Variants in PDE2A observed in about 807,000 individuals in gnomAD.
The protein encoded by PDE2A is phosphodiesterase 2A.
In PDE2A, 53 loss-of-function variants were observed where a neutral mutation model predicts 133.6. The ratio of observed to expected loss-of-function variants is 0.40; its 90% CI spans 0.32 to 0.50. PDE2A has a LOEUF of 0.50. Among genes scored for constraint, PDE2A ranks in the 20% least tolerant of loss-of-function variants. PDE2A has a pLI of 0.73. For synonymous variants in PDE2A, 491 were observed against 490.2 expected, an observed-to-expected ratio of 1.00 and a Z score of -0.02; for missense variants, 796 against 1,232.4, an observed-to-expected ratio of 0.65 and a Z score of 5.30.
At chr11:72,596,760 G>A in intron 5 of PDE2A, 112 bp from the exon 6 acceptor site, 1 of 518,234 alleles carries the variant, frequency 1.9e-6, no homozygotes, top group Non-Finnish European at 3.2e-6. Context: ...GGCCAGGACA[G>A]AGACACACAG....
chr11:72,668,570 C>A lies in PDE2A; in HGVS notation c.71+5567G>T. 3 of 676,544 alleles carry A rather than the reference C, an allele frequency of 4.4e-6. No individual in the cohort carries two copies. In the South Asian group the frequency reaches 4.6e-5, roughly 10 times the overall value. 41.9% of individuals were successfully genotyped at this position (676,544 alleles called of 1,614,324 possible). A position where few individuals can be genotyped will look rare whatever the true frequency, so the allele number is the denominator to read the frequency against. On this transcript the variant is annotated intron_variant, in intron 1 of 30. Coordinates refer to ENST00000334456, the MANE Select transcript of PDE2A (RefSeq NM_002599.5). The stretch of plus-strand genomic sequence containing the variant: ...CACCTTTGGGCTCCACACAGCCCAG[C>A]ACCCACCAGGGCCGGCCCTCGGCCA...
intron 4 of PDE2A, among the ~76,000 whole-genome samples, chr11:72,603,127 T>C (rs1856829911): frequency 6.6e-6 from 1 of 152,206 alleles, no homozygotes; most frequent in African/African-American, 2.4e-5. Context: ...GTCCTGATGA[T>C]GGGTATGTCC....
intron 4 of PDE2A, among the ~76,000 whole-genome samples, chr11:72,599,848 C>T (rs551403185): frequency 2.0e-5 from 3 of 152,210 alleles, no homozygotes; most frequent in Non-Finnish European, 4.4e-5. Flanking sequence ...TACAGACCCA[C>T]GCTTCAGTCG....
At position 72,597,547 on chromosome 11, in the gene PDE2A, C is replaced by A; in HGVS notation, c.396G>T (p.Leu132Phe). ...GAGCCAGTGGAGCCACCAGCCTGGC[C>A]AAGGGCTTCCCTGGCAGGTCTGAGA... Reference protein sequence around the residue: ...LGFSDLPGKPLARLVAPLAPD... With the variant: ...LGFSDLPGKPFARLVAPLAPD... The change falls in exon 5 of 31, where the codon TTG becomes TTT. Residue 132 changes from leucine (L) to phenylalanine (F), a missense_variant. By Grantham distance (22) the Leu-to-Phe change is conservative (BLOSUM62 0). Around this residue, in one of 7 missense-constraint regions of PDE2A, gnomAD observed 417 missense variants for 475.3 expected, o/e 0.88. Transcript: ENST00000334456. This position sits in a 1 kb window ranked among gnomAD's most constrained non-coding sequence, Gnocchi z 4.6. 6.2e-7 allele frequency: 1 copy of A among 1,611,284 alleles called. No individual in the cohort carries two copies. Among genetic ancestry groups the A allele is most frequent in the South Asian group, 1.1e-5 (1 of 91,070 alleles).
At chr11:72,650,412 G>C (rs1054446437) in intron 1 of PDE2A, among the ~76,000 whole-genome samples, 1 of 151,926 alleles carries the variant, frequency 6.6e-6, no homozygotes, top group Non-Finnish European at 1.5e-5. Flanking sequence ...CCTCTCAAAA[G>C]GTCTCCCACC....
chr11:72,644,411 C>T (rs1220989919), intron 1 of PDE2A, among the ~76,000 whole-genome samples: 1 of 152,184 alleles, frequency 6.6e-6, no homozygotes, highest in Admixed American at 6.5e-5. Flanking sequence ...TCAGTTTTCT[C>T]TTCCGTAAAA....
chr11:72,651,565 A>AC (rs1257053666), intron 1 of PDE2A, among the ~76,000 whole-genome samples: 1 of 151,914 alleles, frequency 6.6e-6, no homozygotes, highest in Non-Finnish European at 1.5e-5. Flanking sequence ...CCTCCTGGAG[A>AC]CCCCGTTTTC....
intron 2 of PDE2A, among the ~76,000 whole-genome samples, chr11:72,624,065 C>T (rs1857924807): frequency 6.6e-6 from 1 of 151,072 alleles, no homozygotes; most frequent in Non-Finnish European, 1.5e-5. Context: ...AATCTTGGCT[C>T]ACTGCAACCT....
chr11:72,633,853 C>T (rs1318440849), intron 2 of PDE2A, among the ~76,000 whole-genome samples: 2 of 152,158 alleles, frequency 1.3e-5, no homozygotes, highest in Non-Finnish European at 2.9e-5. Flanking sequence ...GTGTGCTTAG[C>T]GCTGATCATC....
At chr11:72,627,079 A>G (rs1372962057) in intron 2 of PDE2A, among the ~76,000 whole-genome samples, 1 of 152,092 alleles carries the variant, frequency 6.6e-6, no homozygotes, top group Non-Finnish European at 1.5e-5. Context: ...TGCCTCCTCC[A>G]AGTCTCCAAG....
At chr11:72,613,581 A>C (rs1591070198) in intron 2 of PDE2A, among the ~76,000 whole-genome samples, 1 of 149,348 alleles carries the variant, frequency 6.7e-6, no homozygotes. Context: ...GTCTTTTCCC[A>C]CCTCCGCGTC....
chr11:72,668,188 G>A (rs1024606396), intron 1 of PDE2A: 1 of 710,982 alleles, frequency 1.4e-6, no homozygotes, highest in Non-Finnish European at 2.6e-6. Flanking sequence ...TCCAACTTTA[G>A]TTGTCCACAT....
In PDE2A at chr11:72,674,142, A is replaced by AGCT; in HGVS notation, c.65_66insAGC (p.Ala22dup). 1 of 1,613,240 alleles carries AGCT rather than the reference A, an allele frequency of 6.2e-7. No individual in the cohort carries two copies. Among genetic ancestry groups the AGCT allele is most frequent in the Non-Finnish European group, 8.5e-7 (1 of 1,179,782 alleles). ...CAGCCCCTCACTATACTCACGGCTC[A>AGCT]GCCGGTCGCGCTGCCGGGTACTGCT... On this transcript the variant is annotated inframe_insertion, in exon 1 of 31. Coordinates refer to ENST00000334456, the MANE Select transcript of PDE2A (RefSeq NM_002599.5).
chr11:72,647,408 G>A (rs905452467), intron 1 of PDE2A, among the ~76,000 whole-genome samples: 1 of 152,224 alleles, frequency 6.6e-6, no homozygotes, highest in Non-Finnish European at 1.5e-5. Flanking sequence ...TGCTCAGGAA[G>A]CTGAGGTGGA....
chr11:72,625,166 G>A (rs992845617), intron 2 of PDE2A, among the ~76,000 whole-genome samples: 13 of 152,196 alleles, frequency 8.5e-5, no homozygotes, highest in Admixed American at 7.9e-4. Flanking sequence ...CTGGCCAGCA[G>A]GAACCCTGGG....
chr11:72,590,459 G>C lies in PDE2A; in HGVS notation c.671C>G (p.Thr224Ser), dbSNP rs341047. Residue 224 changes from threonine to serine, a missense_variant, in exon 8 of 31, where the codon ACC becomes AGC. Physicochemically the swap from Thr to Ser is moderately conservative, Grantham distance 58. Transcript: ENST00000334456. This position sits in a 1 kb window ranked among gnomAD's most constrained non-coding sequence, Gnocchi z 4.8. ...TTGGAGGATCTTGCGGTCGCGGTCGGTGTACGCCGCCCCGCCCTTCTGGTC... is the reference window on the plus strand; with the variant it reads ...TTGGAGGATCTTGCGGTCGCGGTCGCTGTACGCCGCCCCGCCCTTCTGGTC... ...AEDQKGGAAY[T>S]DRDRKILQLC... is the part of the protein sequence containing the mutation. The C allele has an allele frequency of 2.6e-6, 4 of 1,546,300 alleles. No homozygotes were observed. The African/African-American group carries it at 5.5e-5, about 21-fold the overall frequency.
intron 1 of PDE2A, among the ~76,000 whole-genome samples, chr11:72,643,877 C>T (rs1859056986): frequency 6.6e-6 from 1 of 152,166 alleles, no homozygotes; most frequent in African/African-American, 2.4e-5. Flanking sequence ...CTGGCATGCT[C>T]TCCCCCACTC....
intron 4 of PDE2A, among the ~76,000 whole-genome samples, chr11:72,599,507 G>A (rs1026278213): frequency 1.3e-4 from 19 of 151,904 alleles, no homozygotes; most frequent in African/African-American, 4.1e-4. Flanking sequence ...TCCCCCATCC[G>A]ATCAGTGAGT....
intron 14 of PDE2A, 102 bp downstream of exon 14, chr11:72,585,968 C>T: frequency 1.3e-6 from 1 of 747,340 alleles, no homozygotes; most frequent in Non-Finnish European, 2.4e-6. Flanking sequence ...GGAAGGGCTG[C>T]CACCAGTCCA....
Sources: allele counts gnomAD v4.1 joint callset (sites outside exome capture counted in the v4.1 genomes callset), GRCh38; gene constraint gnomAD v4.1.1; regional missense constraint gnomAD v4.1.1; non-coding constraint Gnocchi (gnomAD v3.1); transcripts MANE v1.5; gene names NCBI Gene and HGNC (gene_info 2026-07-23, HGNC 2026-07-21).